The following HSD17B3 variants were observed in gnomAD, a reference collection of about 807,000 sequenced individuals.
HSD17B3 encodes 17-beta-hydroxysteroid dehydrogenase type 3.
A neutral mutation model predicts 41.1 loss-of-function variants in HSD17B3; 29 were observed. The ratio of observed to expected loss-of-function variants is 0.71; its 90% CI spans 0.53 to 0.96. The LOEUF (loss-of-function observed/expected upper bound fraction) is 0.96. Among genes scored for constraint, HSD17B3 ranks in the 40% least tolerant of loss-of-function variants. The pLI, the probability that HSD17B3 is intolerant of heterozygous loss-of-function variation, is 0.00. For synonymous variants in HSD17B3, 126 were observed against 145.6 expected (o/e 0.87, Z 0.97); for missense variants, 323 against 374.6 (o/e 0.86, Z 1.14).
chr9:96,245,385 A>T lies in HSD17B3; in HGVS notation c.566T>A (p.Leu189Gln). Residue 189 changes from leucine to glutamine, a missense_variant, in exon 8 of 11, where the codon CTG (leucine) becomes CAG (glutamine). By Grantham distance (113) the Leu-to-Gln change is moderately radical (BLOSUM62 -2). Coordinates refer to ENST00000375263, the MANE Select transcript of HSD17B3 (RefSeq NM_000197.2). ...LILNISSGIA[L>Q]FPWPLYSMYS... ...CATGGAGTAGAGAGGCCAAGGAAAC[A>T]GGGCTATCCCAGAAGAAATGTTCAG... The T allele has an allele frequency of 6.2e-7, 1 of 1,614,130 alleles. No homozygotes were observed. Among genetic ancestry groups the T allele is most frequent in the Non-Finnish European group, 8.5e-7 (1 of 1,179,948 alleles).
chr9:96,235,664 C>T, intron 10 of HSD17B3, 94 bp from the exon 11 acceptor site: 3 of 984,890 alleles, frequency 3.0e-6, no homozygotes, highest in South Asian at 1.4e-5. Context: ...TTTCTGACTA[C>T]TAAAGTGGAG....
At chr9:96,291,731 C>A (rs148079305) in intron 2 of HSD17B3, among the ~76,000 whole-genome samples, 1 of 152,052 alleles carries the variant, frequency 6.6e-6, no homozygotes, top group Non-Finnish European at 1.5e-5. Flanking sequence ...CCACAGCAAG[C>A]GGATCACTTG....
At chr9:96,246,990 C>T (rs1243301949) in intron 6 of HSD17B3, among the ~76,000 whole-genome samples, 1 of 152,126 alleles carries the variant, frequency 6.6e-6, no homozygotes, top group Non-Finnish European at 1.5e-5. Flanking sequence ...TATGGGGAAA[C>T]CTAACAAGAC....
At chr9:96,282,607 C>T (rs1826740688) in intron 2 of HSD17B3, among the ~76,000 whole-genome samples, 1 of 152,220 alleles carries the variant, frequency 6.6e-6, no homozygotes, top group South Asian at 2.1e-4. Context: ...ATCTGCACTT[C>T]TGCCTGGTGT....
chr9:96,236,946 T>C (rs1384724885), intron 10 of HSD17B3, among the ~76,000 whole-genome samples: 1 of 152,206 alleles, frequency 6.6e-6, no homozygotes, highest in Non-Finnish European at 1.5e-5. Context: ...GAGCTATTCA[T>C]GTTTTGTCAG....
At chr9:96,254,776 T>A in intron 3 of HSD17B3, 92 bp downstream of exon 3, 7 of 1,062,646 alleles carry the variant, frequency 6.6e-6, no homozygotes, top group Non-Finnish European at 1.0e-5. Flanking sequence ...TGAGAGCAGA[T>A]GTGGGGATGC....
chr9:96,270,289 GAC>G (rs2130759873), intron 2 of HSD17B3, among the ~76,000 whole-genome samples: 1 of 151,740 alleles, frequency 6.6e-6, no homozygotes, highest in African/African-American at 2.4e-5. Flanking sequence ...GAGAGAGAGA[GAC>G]AGAGACAGAG....
chr9:96,271,765 C>T (rs1268107931), intron 2 of HSD17B3, among the ~76,000 whole-genome samples: 1 of 152,096 alleles, frequency 6.6e-6, no homozygotes, highest in African/African-American at 2.4e-5. Context: ...AGTTGCTAAT[C>T]TTCATCATAC....
At chr9:96,273,302 G>C (rs1356052767) in intron 2 of HSD17B3, among the ~76,000 whole-genome samples, 1 of 152,200 alleles carries the variant, frequency 6.6e-6, no homozygotes, top group Non-Finnish European at 1.5e-5. Flanking sequence ...AGCTCTGGGA[G>C]AAGTCCTGAT....
chr9:96,244,332 G>GA lies in HSD17B3; in HGVS notation c.668dup (p.Gln224ProfsTer26). On this transcript the variant is annotated frameshift_variant, in exon 9 of 11. Transcript: ENST00000375263. LOFTEE classifies it high-confidence loss of function. ...ACTCCACAGCTGCCCACCTCACCTGGATGATGACTTCTTTTGCTTTATATT... is the reference window on the plus strand; with the variant it reads ...ACTCCACAGCTGCCCACCTCACCTGGAATGATGACTTCTTTTGCTTTATATT... The GA allele has an allele frequency of 1.2e-6, 2 of 1,614,124 alleles. No homozygotes were observed. Among genetic ancestry groups the GA allele is most frequent in the Non-Finnish European group, 1.7e-6 (2 of 1,179,964 alleles).
At chr9:96,248,475 C>A (rs1205544636) in intron 6 of HSD17B3, among the ~76,000 whole-genome samples, 1 of 152,198 alleles carries the variant, frequency 6.6e-6, no homozygotes, top group African/African-American at 2.4e-5. Flanking sequence ...TGAGACTGAG[C>A]CTTCTGCTAG....
chr9:96,292,863 G>T (rs1182402896), intron 2 of HSD17B3, among the ~76,000 whole-genome samples: 1 of 152,192 alleles, frequency 6.6e-6, no homozygotes, highest in Non-Finnish European at 1.5e-5. Context: ...AGCCGCAGAG[G>T]CCAGAAGGAA....
intron 5 of HSD17B3, 34 bp downstream of exon 5, chr9:96,251,384 A>G: frequency 6.3e-7 from 1 of 1,589,064 alleles, no homozygotes; most frequent in Non-Finnish European, 8.6e-7. Flanking sequence ...AACCTGGATA[A>G]GAGGAATCTA....
chr9:96,242,528 A>C (rs1457329005), intron 9 of HSD17B3, among the ~76,000 whole-genome samples: 1 of 152,194 alleles, frequency 6.6e-6, no homozygotes, highest in East Asian at 1.9e-4. Context: ...ACCCAACTCC[A>C]CAGTACATAC....
intron 9 of HSD17B3, 166 bp downstream of exon 9, chr9:96,244,163 C>T: frequency 1.3e-6 from 1 of 758,198 alleles, no homozygotes; most frequent in Non-Finnish European, 2.4e-6. Flanking sequence ...CCCCAAAAGC[C>T]CACGTGGCAT....
chr9:96,246,857 G>A (rs1254845968), intron 6 of HSD17B3, among the ~76,000 whole-genome samples: 4 of 152,168 alleles, frequency 2.6e-5, no homozygotes, highest in African/African-American at 9.7e-5. Flanking sequence ...CCTGGAAAAT[G>A]AGGGCAGTGA....
chr9:96,260,911 T>A (rs1825831522), intron 2 of HSD17B3, among the ~76,000 whole-genome samples: 1 of 152,160 alleles, frequency 6.6e-6, no homozygotes, highest in Non-Finnish European at 1.5e-5. Flanking sequence ...ATTGCCCGCC[T>A]CTCACCTCAC....
chr9:96,270,267 CACAGAG>C (rs1016634375), intron 2 of HSD17B3, among the ~76,000 whole-genome samples: 16 of 150,838 alleles, frequency 1.1e-4, no homozygotes, highest in African/African-American at 3.5e-4. Context: ...CACACACACA[CACAGAG>C]AGAGAGAGAG....
At chr9:96,242,773 A>G (rs1282103459) in intron 9 of HSD17B3, among the ~76,000 whole-genome samples, 1 of 152,186 alleles carries the variant, frequency 6.6e-6, no homozygotes, top group Non-Finnish European at 1.5e-5. Flanking sequence ...CTGTGCCCCA[A>G]GGATCAAGAC....
Sources: allele counts gnomAD v4.1 joint callset (sites outside exome capture counted in the v4.1 genomes callset), GRCh38; gene constraint gnomAD v4.1.1; transcripts MANE v1.5; gene names NCBI Gene and HGNC (gene_info 2026-07-23, HGNC 2026-07-21).